The following GPC6 variants were observed in gnomAD, a reference collection of about 807,000 sequenced individuals.
The protein encoded by GPC6 is glypican-6.
In GPC6, 14 loss-of-function variants were observed where a neutral mutation model predicts 55.2. The ratio of observed to expected loss-of-function variants is 0.25; its 90% CI spans 0.17 to 0.40. The LOEUF (loss-of-function observed/expected upper bound fraction) is 0.40. Ranked by LOEUF, GPC6 falls within the 10% of genes least tolerant of loss-of-function variation. The pLI, the probability that GPC6 is intolerant of heterozygous loss-of-function variation, is 1.00. For missense variants in GPC6, 641 were observed against 708.5 expected, an observed-to-expected ratio of 0.90 and a Z score of 1.08; for synonymous variants, 278 against 259.6, an observed-to-expected ratio of 1.07 and a Z score of -0.68.
At position 94,311,367 on chromosome 13, in the gene GPC6, C is replaced by A. The variant is rs908364861; in HGVS notation, c.1152+5244C>A. The stretch of plus-strand genomic sequence containing the variant: ...TATTCTTAGTAGAGACGGAGTTTCA[C>A]CATGTTTTCCAGGCTGGTCTTGAAC... On this transcript the variant is annotated intron_variant, in intron 6 of 8. Transcript: ENST00000377047. 1.2e-4 allele frequency among the ~76,000 whole-genome samples: 18 copies of A among 152,268 alleles called. 1 individual carries two copies. Among genetic ancestry groups the A allele is most frequent in the African/African-American group, 3.9e-4 (16 of 41,554 alleles).
chr13:93,674,155 A>T (rs1457843843), intron 2 of GPC6, among the ~76,000 whole-genome samples: 1 of 152,138 alleles, frequency 6.6e-6, no homozygotes, highest in African/African-American at 2.4e-5. Flanking sequence ...TCAGTTTTGG[A>T]TTTAGGTCAT....
Position 94,030,842 on chromosome 13 carries a change from G to A in GPC6, c.877+2948G>A, listed in dbSNP as rs1272030779. On this transcript the variant is annotated intron_variant, in intron 4 of 8. Transcript: ENST00000377047. ...AATAAAAACAAGAGTCAAACTGGGG[G>A]CACATCCTCCCAGTCTTTACAATGC... is the stretch of plus-strand genomic sequence containing the variant. 2.0e-5 allele frequency among the ~76,000 whole-genome samples: 3 copies of A among 152,268 alleles called. No homozygotes were observed. The East Asian group carries it at 5.8e-4, about 29-fold the overall frequency.
chr13:93,841,414 G>T (rs1214878758), intron 3 of GPC6, among the ~76,000 whole-genome samples: 1 of 152,098 alleles, frequency 6.6e-6, no homozygotes, highest in Non-Finnish European at 1.5e-5. Flanking sequence ...GCAAGCAAGG[G>T]TTATTCCTTT....
intron 3 of GPC6, among the ~76,000 whole-genome samples, chr13:93,889,241 C>T (rs754920404): frequency 9.2e-5 from 14 of 152,104 alleles, no homozygotes; most frequent in Non-Finnish European, 1.6e-4. Flanking sequence ...AAGGCCCTCA[C>T]TTTAATACAG....
intron 4 of GPC6, among the ~76,000 whole-genome samples, chr13:94,175,832 CAT>C (rs1225150522): frequency 2.0e-5 from 3 of 147,260 alleles, no homozygotes; most frequent in Admixed American, 6.8e-5. Context: ...TAAATATATA[CAT>C]GTGTATATAT....
intron 2 of GPC6, among the ~76,000 whole-genome samples, chr13:93,564,578 C>T (rs1363832415): frequency 2.0e-5 from 3 of 152,168 alleles, no homozygotes; most frequent in African/African-American, 7.2e-5. Flanking sequence ...CTTTTCTACA[C>T]CCCACTTTCA....
At chr13:93,733,655 C>T (rs531839959) in intron 2 of GPC6, among the ~76,000 whole-genome samples, 1 of 151,732 alleles carries the variant, frequency 6.6e-6, no homozygotes, top group African/African-American at 2.4e-5. Context: ...AGTCCATTCC[C>T]ATAGTCCATC....
intron 1 of GPC6, among the ~76,000 whole-genome samples, chr13:93,299,289 A>G (rs1243288324): frequency 1.3e-5 from 2 of 152,234 alleles, no homozygotes; most frequent in African/African-American, 4.8e-5. Flanking sequence ...AACCACTTTT[A>G]ATACAAACTA....
At chr13:94,382,280 C>G (rs941005116) in intron 6 of GPC6, 134 bp from the exon 7 acceptor site, 3 of 903,520 alleles carry the variant, frequency 3.3e-6, no homozygotes, top group Non-Finnish European at 3.6e-6. Flanking sequence ...TGCAGTGTCT[C>G]TCTCTTAAAA....
intron 2 of GPC6, among the ~76,000 whole-genome samples, chr13:93,747,094 T>C (rs1275721327): frequency 6.6e-6 from 1 of 152,200 alleles, no homozygotes; most frequent in African/African-American, 2.4e-5. Context: ...CTTGTTGGCA[T>C]TGAGGCTGAA....
chr13:94,161,908 G>A (rs1328805390), intron 4 of GPC6, among the ~76,000 whole-genome samples: 3 of 152,124 alleles, frequency 2.0e-5, no homozygotes, highest in African/African-American at 4.8e-5. Flanking sequence ...GCAAAGGCAT[G>A]TCTTACATGG....
intron 1 of GPC6, among the ~76,000 whole-genome samples, chr13:93,487,146 T>C (rs1879751158): frequency 1.3e-5 from 2 of 152,242 alleles, no homozygotes; most frequent in Non-Finnish European, 2.9e-5. Context: ...ATCTTGACTG[T>C]CATTTTCATA....
chr13:93,428,974 T>C (rs920117987), intron 1 of GPC6, among the ~76,000 whole-genome samples: 8 of 152,130 alleles, frequency 5.3e-5, no homozygotes, highest in Admixed American at 2.0e-4. Flanking sequence ...GTCTTTATGT[T>C]ATAGCATCCC....
Position 93,830,346 on chromosome 13 carries a change from G to C in GPC6, c.512G>C (p.Arg171Pro). 6.2e-7 allele frequency: 1 copy of C among 1,613,668 alleles called. No individual in the cohort carries two copies. Among genetic ancestry groups the C allele is most frequent in the Non-Finnish European group, 8.5e-7 (1 of 1,179,734 alleles). ...LNDFWARLLE[R>P]MFQLINPQYH... ...GACTTTTGGGCTCGGCTCCTGGAAC[G>C]GATGTTTCAGCTGATAAACCCTCAG... The change falls in exon 3 of 9, where the codon CGG (arginine) becomes CCG (proline). Residue 171 changes from arginine to proline, a missense_variant. By Grantham distance (103) the Arg-to-Pro change is moderately radical. Transcript: ENST00000377047.
At chr13:93,701,317 T>C (rs1882659916) in intron 2 of GPC6, among the ~76,000 whole-genome samples, 1 of 152,072 alleles carries the variant, frequency 6.6e-6, no homozygotes, top group African/African-American at 2.4e-5. Context: ...CACAACATCA[T>C]TGGTTTCTCA....
chr13:93,901,999 G>A (rs1029121916), intron 3 of GPC6, among the ~76,000 whole-genome samples: 2 of 150,528 alleles, frequency 1.3e-5, no homozygotes, highest in African/African-American at 2.4e-5. Context: ...TATATTTTGT[G>A]TAAAAATCAA....
chr13:93,397,063 T>C (rs1216170539), intron 1 of GPC6, among the ~76,000 whole-genome samples: 1 of 152,234 alleles, frequency 6.6e-6, no homozygotes, highest in Non-Finnish European at 1.5e-5. Context: ...TATTGTAAAC[T>C]ATACTTTGAT....
At chr13:93,284,158 T>G (rs1036180526) in intron 1 of GPC6, among the ~76,000 whole-genome samples, 2 of 152,184 alleles carry the variant, frequency 1.3e-5, no homozygotes, top group African/African-American at 4.8e-5. Context: ...GCATCTGATT[T>G]TATATTTAAA....
chr13:93,979,986 A>G (rs953945186), intron 3 of GPC6, among the ~76,000 whole-genome samples: 1 of 152,162 alleles, frequency 6.6e-6, no homozygotes, highest in African/African-American at 2.4e-5. Context: ...ATACTCAGCT[A>G]CTTACATCAG....
Sources: gnomAD v4.1 joint callset for allele counts (sites outside exome capture counted in the v4.1 genomes callset) on GRCh38, gnomAD v4.1.1 for gene constraint, MANE v1.5 for transcripts, NCBI Gene and HGNC (gene_info 2026-07-23, HGNC 2026-07-21) for gene names.